Variants in SEMA5A observed in about 807,000 individuals in gnomAD.
SEMA5A encodes semaphorin-5A.
A neutral mutation model predicts 135.5 loss-of-function variants in SEMA5A; 55 were observed. The ratio of observed to expected loss-of-function variants is 0.41; its 90% CI spans 0.33 to 0.51. The LOEUF (loss-of-function observed/expected upper bound fraction) is 0.51. SEMA5A is among the 20% of genes least tolerant of loss of function. The pLI is 0.37. For synonymous variants in SEMA5A, 580 were observed against 546.5 expected (o/e 1.06, Z -0.85); for missense variants, 1,290 against 1,419.9 (o/e 0.91, Z 1.47).
chr5:9,182,162 A>C (rs759475351), intron 11 of SEMA5A, among the ~76,000 whole-genome samples: 5,574 of 111,858 alleles, frequency 0.05, 141 homozygotes, highest in Non-Finnish European at 0.066. Context: ...CCCCACCCCA[A>C]AAAAAAATAC....
At chr5:9,356,552 C>G (rs762098883) in intron 3 of SEMA5A, among the ~76,000 whole-genome samples, 7 of 152,172 alleles carry the variant, frequency 4.6e-5, no homozygotes, top group Non-Finnish European at 8.8e-5. Flanking sequence ...CCACCAAGTT[C>G]AAAGGGACTT....
intron 12 of SEMA5A, among the ~76,000 whole-genome samples, chr5:9,142,694 C>T (rs545422411): frequency 2.5e-4 from 38 of 152,300 alleles, no homozygotes; most frequent in South Asian, 6.2e-4. Flanking sequence ...TGGCCAGGCA[C>T]GGTGGCTCAT....
chr5:9,118,925 G>C, intron 15 of SEMA5A, 73 bp downstream of exon 15: 1 of 1,556,714 alleles, frequency 6.4e-7, no homozygotes, highest in Non-Finnish European at 8.7e-7. Flanking sequence ...AACTAAAACC[G>C]CGGGGAACTC....
At chr5:9,381,249 A>G (rs1755594272) in intron 2 of SEMA5A, among the ~76,000 whole-genome samples, 1 of 152,236 alleles carries the variant, frequency 6.6e-6, no homozygotes, top group African/African-American at 2.4e-5. Flanking sequence ...TGAAGCCATT[A>G]CAATTGTTAA....
At chr5:9,156,417 C>G (rs1742958480) in intron 11 of SEMA5A, among the ~76,000 whole-genome samples, 1 of 152,138 alleles carries the variant, frequency 6.6e-6, no homozygotes, top group African/African-American at 2.4e-5. Context: ...ACAGGCCCTG[C>G]AAGGAGGTCC....
At chr5:9,108,349 T>C in intron 15 of SEMA5A, 62 bp from the exon 16 acceptor site, 1 of 1,581,906 alleles carries the variant, frequency 6.3e-7, no homozygotes, top group South Asian at 1.1e-5. Context: ...CCACTGACGT[T>C]TCCATCTCCA....
At chr5:9,411,560 C>T (rs1208012042) in intron 2 of SEMA5A, among the ~76,000 whole-genome samples, 2 of 152,204 alleles carry the variant, frequency 1.3e-5, no homozygotes, top group Non-Finnish European at 2.9e-5. Context: ...CCAGGTCTCA[C>T]CCACTGCCAG....
Position 9,059,642 on chromosome 5 carries a change from T to G in SEMA5A, c.2518+3245A>C, listed in dbSNP as rs369343617. Among the ~76,000 whole-genome samples the G allele has an allele frequency of 3.4e-3, 518 of 152,258 alleles. 2 individuals are homozygous for G. The highest frequency in any genetic ancestry group is 0.027 in the South Asian group (129 of 4,826). ...TCAGCTCACTGCAAACTCCACCTCC[T>G]GGGCTCAAGCAATTCTTCTGCCTCA... On this transcript the variant is annotated intron_variant, in intron 18 of 22. Transcript: ENST00000382496.
chr5:9,445,213 G>A (rs1287211191), intron 1 of SEMA5A, among the ~76,000 whole-genome samples: 1 of 152,136 alleles, frequency 6.6e-6, no homozygotes, highest in Non-Finnish European at 1.5e-5. Context: ...TGACATGGGA[G>A]GTCTCTGCCC....
chr5:9,265,772 C>A (rs1266779513), intron 5 of SEMA5A, among the ~76,000 whole-genome samples: 1 of 152,194 alleles, frequency 6.6e-6, no homozygotes, highest in Non-Finnish European at 1.5e-5. Flanking sequence ...CCCTACCCTG[C>A]AAGTCTGGGT....
At chr5:9,268,609 G>A (rs780749759) in intron 5 of SEMA5A, among the ~76,000 whole-genome samples, 3 of 152,080 alleles carry the variant, frequency 2.0e-5, no homozygotes, top group Non-Finnish European at 4.4e-5. Context: ...CTGCCCCCAG[G>A]CCATAAGAGT....
rs1048827292 is a variant in SEMA5A, at chr5:9,150,174, C to A, written c.1481+4314G>T. Among the ~76,000 whole-genome samples the A allele has an allele frequency of 2.6e-5, 4 of 152,146 alleles. No individual in the cohort carries two copies. The East Asian group carries it at 7.7e-4, about 29-fold the overall frequency. ...TTAAAGACCACATGATGCTACTCGA[C>A]CATGAGCCAGGTGCATGGCCTGGCC... On this transcript the variant is annotated intron_variant, in intron 12 of 22. Transcript: ENST00000382496.
chr5:9,387,360 T>C (rs1270090464), intron 2 of SEMA5A, among the ~76,000 whole-genome samples: 2 of 152,134 alleles, frequency 1.3e-5, no homozygotes, highest in Non-Finnish European at 2.9e-5. Context: ...CTTTCCAAGA[T>C]AGGAGCGAGG....
chr5:9,315,363 T>A (rs1393125566), intron 5 of SEMA5A, among the ~76,000 whole-genome samples: 1 of 152,182 alleles, frequency 6.6e-6, no homozygotes, highest in Admixed American at 6.6e-5. Context: ...CAAAAAACAA[T>A]GACATTCTCC....
intron 4 of SEMA5A, among the ~76,000 whole-genome samples, chr5:9,319,975 C>A (rs766863644): frequency 3.3e-5 from 5 of 152,116 alleles, no homozygotes; most frequent in Non-Finnish European, 7.4e-5. Flanking sequence ...ACAAAGCCCC[C>A]ATGGAAGCCG....
At chr5:9,047,770 C>A (rs1482336771) in intron 21 of SEMA5A, among the ~76,000 whole-genome samples, 1 of 152,192 alleles carries the variant, frequency 6.6e-6, no homozygotes, top group Non-Finnish European at 1.5e-5. Context: ...CCAGTGCCAG[C>A]AGCCTGAAGA....
rs73036789 is a variant in SEMA5A, at chr5:9,499,840, C to T, written c.-175+45744G>A. On this transcript the variant is annotated intron_variant, in intron 1 of 22. Transcript: ENST00000382496. ...AACAAAAACCAAACATCACATGGAG[C>T]ACAGAGCACAGAAGTGCTTCCATCA... 8.3e-3 allele frequency among the ~76,000 whole-genome samples: 1,268 copies of T among 152,028 alleles called. 16 individuals carry two copies. The highest frequency in any genetic ancestry group is 0.029 in the African/African-American group (1,197 of 41,448).
chr5:9,182,788 C>T (rs185225242), intron 11 of SEMA5A, among the ~76,000 whole-genome samples: 1 of 151,856 alleles, frequency 6.6e-6, no homozygotes, highest in East Asian at 1.9e-4. Flanking sequence ...AGAAATTGTA[C>T]CCCAAACTTT....
intron 3 of SEMA5A, chr5:9,363,179 T>C (rs569794795): frequency 5.3e-4 from 81 of 152,310 alleles, no homozygotes; most frequent in Middle Eastern, 3.4e-3. Context: ...TCTCAGACTA[T>C]AAAAGGCATA....
Sources: allele counts gnomAD v4.1 joint callset (sites outside exome capture counted in the v4.1 genomes callset), GRCh38; gene constraint gnomAD v4.1.1; transcripts MANE v1.5; gene names NCBI Gene and HGNC (gene_info 2026-07-23, HGNC 2026-07-21).